Variants in AKAP6 observed in about 807,000 individuals in gnomAD.
The protein encoded by AKAP6 is A-kinase anchor protein 6.
In AKAP6, 58 loss-of-function variants were observed where a neutral mutation model predicts 188.5. That is an observed-to-expected ratio of 0.31 (90% CI 0.25 to 0.38). The LOEUF is 0.38. Among genes scored for constraint, AKAP6 ranks in the 10% least tolerant of loss-of-function variants. AKAP6 has a pLI of 1.00. For synonymous variants in AKAP6, 989 were observed against 998.6 expected, an observed-to-expected ratio of 0.99 and a Z score of 0.18; for missense variants, 2,710 against 2,740.0, an observed-to-expected ratio of 0.99 and a Z score of 0.24.
At chr14:32,661,281 C>T (rs1888689429) in intron 7 of AKAP6, among the ~76,000 whole-genome samples, 1 of 151,980 alleles carries the variant, frequency 6.6e-6, no homozygotes, top group Admixed American at 6.6e-5. Context: ...AATAATAAAT[C>T]CTGCTGCTGA....
chr14:32,667,364 T>C (rs914835817), intron 7 of AKAP6, among the ~76,000 whole-genome samples: 1 of 152,060 alleles, frequency 6.6e-6, no homozygotes, highest in Non-Finnish European at 1.5e-5. Flanking sequence ...GGTTCCCTAC[T>C]GACACACTGT....
chr14:32,780,476 T>A (rs1330865447), intron 12 of AKAP6, among the ~76,000 whole-genome samples: 1 of 152,180 alleles, frequency 6.6e-6, no homozygotes, highest in Non-Finnish European at 1.5e-5. Flanking sequence ...TATGTAAATT[T>A]GCTTGAATAT....
intron 7 of AKAP6, among the ~76,000 whole-genome samples, chr14:32,654,976 CTTGT>C (rs1190551385): frequency 2.0e-5 from 3 of 152,140 alleles, no homozygotes; most frequent in African/African-American, 7.2e-5. Context: ...CAACCACAAT[CTTGT>C]TTATTACACA....
At chr14:32,732,886 A>T (rs2031248597) in intron 10 of AKAP6, 1 of 587,600 alleles carries the variant, frequency 1.7e-6, no homozygotes, top group African/African-American at 1.9e-5. Context: ...CACCAAGTCA[A>T]CTATAATACA....
chr14:32,797,729 T>TA (rs2033814093), intron 12 of AKAP6, among the ~76,000 whole-genome samples: 1 of 151,944 alleles, frequency 6.6e-6, no homozygotes, highest in African/African-American at 2.4e-5. Flanking sequence ...GGCACATGTT[T>TA]ACCTATGTAG....
At chr14:32,361,057 C>T (rs10151456) in intron 1 of AKAP6, among the ~76,000 whole-genome samples, 26,300 of 120,942 alleles carry the variant, frequency 0.22, 4,027 homozygotes, top group African/African-American at 0.33. Flanking sequence ...CCTGAACATA[C>T]ATATATATAT....
intron 7 of AKAP6, among the ~76,000 whole-genome samples, chr14:32,631,694 G>T (rs563726782): frequency 6.6e-6 from 1 of 152,062 alleles, no homozygotes; most frequent in African/African-American, 2.4e-5. Flanking sequence ...TTACTCTGCA[G>T]AAAGTAGCCT....
chr14:32,607,388 C>T (rs1886167965), intron 7 of AKAP6, among the ~76,000 whole-genome samples: 1 of 152,170 alleles, frequency 6.6e-6, no homozygotes, highest in Non-Finnish European at 1.5e-5. Context: ...ACTTTGCTGT[C>T]TTCCTCATGC....
chr14:32,546,626 C>A lies in AKAP6; in HGVS notation c.1973C>A (p.Pro658His). Residue 658 changes from proline to histidine, a missense_variant, in exon 4 of 14, where the codon CCC (proline) becomes CAC (histidine). Physicochemically the swap from Pro to His is moderately conservative, Grantham distance 77. Around this residue, in one of 2 missense-constraint regions of AKAP6, gnomAD observed 2,473 missense variants for 2,426.1 expected, o/e 1.02. Coordinates refer to ENST00000280979, the MANE Select transcript of AKAP6 (RefSeq NM_004274.5). ...ENLTKLLPQK[P>H]RGETIQNIDD... ...CTAACAAAGCTTCTGCCTCAGAAAC[C>A]CAGAGGAGAAACCATCCAGAATATT... 3 of 1,614,110 alleles carry A rather than the reference C, an allele frequency of 1.9e-6. No individual in the cohort carries two copies. The highest frequency in any genetic ancestry group is 2.5e-6 in the Non-Finnish European group (3 of 1,180,008).
intron 2 of AKAP6, among the ~76,000 whole-genome samples, chr14:32,435,640 A>G (rs1014118912): frequency 2.0e-5 from 3 of 152,222 alleles, no homozygotes; most frequent in Admixed American, 6.5e-5. Context: ...GAGGGCATGA[A>G]GTCAACACAG....
intron 4 of AKAP6, among the ~76,000 whole-genome samples, chr14:32,564,932 T>G (rs1884120002): frequency 1.3e-5 from 2 of 152,222 alleles, no homozygotes; most frequent in African/African-American, 2.4e-5. Context: ...ATCCCTTTTC[T>G]CTGAATTCTG....
At chr14:32,666,006 G>T (rs776609477) in intron 7 of AKAP6, among the ~76,000 whole-genome samples, 21 of 152,012 alleles carry the variant, frequency 1.4e-4, no homozygotes, top group Non-Finnish European at 2.5e-4. Flanking sequence ...AACATTTAAG[G>T]CCCTTAACTT....
rs113659577 is a variant in AKAP6 at position 32,388,331 on chromosome 14, T to A, written c.-34-45129T>A. On this transcript the variant is annotated intron_variant, in intron 1 of 13. Coordinates refer to ENST00000280979, the MANE Select transcript of AKAP6 (RefSeq NM_004274.5). Reference sequence around the variant, plus strand: ...TCATTTATCTTTTGTATTTTTGTTGTTGTTGTTGTTTGTTTGTTTCAATTT... The same window carrying A: ...TCATTTATCTTTTGTATTTTTGTTGATGTTGTTGTTTGTTTGTTTCAATTT... Among the ~76,000 whole-genome samples the A allele has an allele frequency of 7.9e-5, 12 of 152,138 alleles. 1 individual carries two copies. Among genetic ancestry groups the A allele is most frequent in the African/African-American group, 2.4e-4 (10 of 41,560 alleles).
At chr14:32,338,665 G>A (rs1193879839) in intron 1 of AKAP6, among the ~76,000 whole-genome samples, 1 of 152,064 alleles carries the variant, frequency 6.6e-6, no homozygotes, top group Non-Finnish European at 1.5e-5. Context: ...GGATTTTGGA[G>A]CCAGGTATAT....
chr14:32,527,163 C>G (rs541724895), intron 2 of AKAP6, among the ~76,000 whole-genome samples: 2 of 152,160 alleles, frequency 1.3e-5, no homozygotes, highest in East Asian at 3.9e-4. Context: ...TTGCCTTTTC[C>G]GGAATGTCAT....
intron 7 of AKAP6, among the ~76,000 whole-genome samples, chr14:32,657,334 A>C (rs901232529): frequency 1.1e-4 from 16 of 152,182 alleles, no homozygotes; most frequent in African/African-American, 3.6e-4. Context: ...AGAAGAGAGA[A>C]GCGCAACCCT....
At chr14:32,564,916 G>A (rs191428453) in intron 4 of AKAP6, among the ~76,000 whole-genome samples, 18 of 152,270 alleles carry the variant, frequency 1.2e-4, no homozygotes, top group Admixed American at 4.6e-4. Context: ...GAGAGACTTT[G>A]AGGAAATCCC....
At chr14:32,797,579 A>G (rs1315517390) in intron 12 of AKAP6, among the ~76,000 whole-genome samples, 1 of 152,176 alleles carries the variant, frequency 6.6e-6, no homozygotes, top group Non-Finnish European at 1.5e-5. Flanking sequence ...ATGAGAACAC[A>G]TAGACACATG....
chr14:32,638,855 T>A (rs1216036368), intron 7 of AKAP6, among the ~76,000 whole-genome samples: 2 of 151,862 alleles, frequency 1.3e-5, no homozygotes, highest in Admixed American at 6.6e-5. Flanking sequence ...ATATACAACA[T>A]AATATAACTA....
Sources: gnomAD v4.1 joint callset for allele counts (sites outside exome capture counted in the v4.1 genomes callset) on GRCh38, gnomAD v4.1.1 for gene constraint, gnomAD v4.1.1 regional missense constraint, MANE v1.5 for transcripts, NCBI Gene and HGNC (gene_info 2026-07-23, HGNC 2026-07-21) for gene names.